The following ARSG variants were observed in gnomAD, a reference collection of about 807,000 sequenced individuals.
ARSG encodes the protein arylsulfatase G.
Under a neutral mutation model 50.5 loss-of-function variants are expected in ARSG, and 37 were observed. The observed-to-expected ratio is 0.73, with a 90% CI of 0.56 to 0.96. The LOEUF is 0.96. Among genes scored for constraint, ARSG ranks in the 50% least tolerant of loss-of-function variants. ARSG has a pLI of 0.00. For synonymous variants in ARSG, 225 were observed against 254.6 expected, an observed-to-expected ratio of 0.88 and a Z score of 1.11; for missense variants, 629 against 675.3, an observed-to-expected ratio of 0.93 and a Z score of 0.76.
intron 2 of ARSG, among the ~76,000 whole-genome samples, chr17:68,326,816 C>T (rs143636173): frequency 1.1e-4 from 16 of 152,258 alleles, no homozygotes; most frequent in African/African-American, 3.9e-4. Flanking sequence ...TGTGTCACAC[C>T]TGGAAACTAA....
downstream of ARSG, chr17:68,421,914 C>T (rs1344207031): frequency 6.6e-7 from 1 of 1,520,248 alleles, no homozygotes; most frequent in Admixed American, 1.7e-5. Context: ...GCAGAGTGAG[C>T]AGGGAGAGGC....
upstream of ARSG, among the ~76,000 whole-genome samples, chr17:68,290,810 G>A (rs1463566941): frequency 3.3e-5 from 5 of 152,232 alleles, no homozygotes; most frequent in East Asian, 7.7e-4. Flanking sequence ...AAGGCCAGGC[G>A]TGCCTTTAGG....
chr17:68,350,511 C>T (rs903873244), intron 4 of ARSG, among the ~76,000 whole-genome samples: 7 of 151,908 alleles, frequency 4.6e-5, no homozygotes, highest in Non-Finnish European at 1.0e-4. Flanking sequence ...CTGGGCCGGG[C>T]GCGGTGGCTC....
At chr17:68,328,095 G>A (rs554860485) in intron 2 of ARSG, among the ~76,000 whole-genome samples, 44 of 152,190 alleles carry the variant, frequency 2.9e-4, no homozygotes, top group Non-Finnish European at 4.4e-4. Flanking sequence ...TGTGACATAC[G>A]TGTGGCAGTG....
chr17:68,360,144 C>T (rs754771478), intron 6 of ARSG, among the ~76,000 whole-genome samples: 3 of 152,206 alleles, frequency 2.0e-5, no homozygotes, highest in Non-Finnish European at 4.4e-5. Context: ...GGCAAATCAA[C>T]CGACAGCCTC....
At chr17:68,328,828 T>C (rs1344303204) in intron 2 of ARSG, among the ~76,000 whole-genome samples, 2 of 152,104 alleles carry the variant, frequency 1.3e-5, no homozygotes, top group African/African-American at 4.8e-5. Flanking sequence ...ATGCAGGCTA[T>C]GGCTTTCCCA....
At chr17:68,346,625 T>C (rs2146299591) in intron 3 of ARSG, 1 of 852,886 alleles carries the variant, frequency 1.2e-6, no homozygotes, top group East Asian at 6.5e-5. Context: ...AGTTTCCTCA[T>C]TTGCTGCCCC....
chr17:68,296,380 C>T (rs1555758201), intron 1 of ARSG, among the ~76,000 whole-genome samples: 2 of 152,200 alleles, frequency 1.3e-5, no homozygotes, highest in South Asian at 2.1e-4. Context: ...TAAACAGGTA[C>T]CTCCTGTCCT....
Position 68,271,477 on chromosome 17 carries a change from T to C in ARSG, c.-552+12051T>C. ...GTCTATTGAGGTTCGTGTTTTCTCATTTTCAAGCATATACTGCGCTTCTTT... is the reference window on the plus strand; with the variant it reads ...GTCTATTGAGGTTCGTGTTTTCTCACTTTCAAGCATATACTGCGCTTCTTT... On this transcript the variant is annotated intron_variant, in intron 1 of 11. Transcript: ENST00000448504. This position sits in a 1 kb window ranked among gnomAD's most constrained non-coding sequence, Gnocchi z 5.3. 6.2e-7 allele frequency: 1 copy of C among 1,614,168 alleles called. No individual in the cohort carries two copies. The highest frequency in any genetic ancestry group is 8.5e-7 in the Non-Finnish European group (1 of 1,180,024).
At chr17:68,438,428 G>C in the ARSG span, among the ~76,000 whole-genome samples, 1 of 152,222 alleles carries the variant, frequency 6.6e-6, no homozygotes, top group Non-Finnish European at 1.5e-5. Flanking sequence ...TTGTGAAACT[G>C]GGGAGGGAAG....
chr17:68,413,839 G>C (rs1254005949), intron 11 of ARSG: 1 of 153,050 alleles, frequency 6.5e-6, no homozygotes, highest in Non-Finnish European at 1.5e-5. Context: ...TAAGCCTGTC[G>C]GAAAAGCGCA....
At chr17:68,426,254 G>GGGGCCCCCC, downstream of ARSG, 1 of 816,914 alleles carries the variant, frequency 1.2e-6, no homozygotes, top group Non-Finnish European at 1.9e-6. Flanking sequence ...GGGAGCGGGG[G>GGGGCCCCCC]CTCAAATAAA....
intron 11 of ARSG, among the ~76,000 whole-genome samples, chr17:68,408,432 T>C (rs1299174590): frequency 6.6e-6 from 1 of 151,976 alleles, no homozygotes; most frequent in Non-Finnish European, 1.5e-5. Flanking sequence ...ATTTCATCCA[T>C]GTCCCTACAA....
At chr17:68,432,506 T>G in the ARSG span, among the ~76,000 whole-genome samples, 2 of 152,196 alleles carry the variant, frequency 1.3e-5, no homozygotes, top group South Asian at 2.1e-4. Context: ...CCCAGCACTT[T>G]GGGAGGTTGA....
downstream of ARSG, chr17:68,426,238 C>CGGGGGGGGGG: frequency 8.1e-6 from 5 of 615,194 alleles, 1 homozygote; most frequent in East Asian, 5.2e-5. Context: ...CATGACCTGG[C>CGGGGGGGGGG]GGGTGGGGAG....
the ARSG span, among the ~76,000 whole-genome samples, chr17:68,436,225 C>G: frequency 6.6e-6 from 1 of 152,254 alleles, no homozygotes; most frequent in South Asian, 2.1e-4. Context: ...ACAGCAAGCC[C>G]GAGGGGAAAT....
chr17:68,333,418 A>G (rs2077868030), intron 2 of ARSG, among the ~76,000 whole-genome samples: 1 of 152,144 alleles, frequency 6.6e-6, no homozygotes, highest in Non-Finnish European at 1.5e-5. Flanking sequence ...ACCTGAGGTC[A>G]GGAGTTCGAG....
chr17:68,418,671 T>C lies in ARSG; in HGVS notation c.1304-1518T>C, dbSNP rs375220608. 5.3e-5 allele frequency among the ~76,000 whole-genome samples: 8 copies of C among 152,284 alleles called. No individual in the cohort carries two copies. In the East Asian group the frequency reaches 1.5e-3, roughly 29 times the overall value. On this transcript the variant is annotated intron_variant, in intron 11 of 11. Coordinates refer to ENST00000621439, the MANE Select transcript of ARSG (RefSeq NM_001267727.2). ...CATGTTGGCATCTGCCCTCATCATA[T>C]AGTAAAGGATGTGATAAGAAGTCGT...
At chr17:68,301,474 G>C (rs1555761875) in intron 1 of ARSG, among the ~76,000 whole-genome samples, 2 of 152,218 alleles carry the variant, frequency 1.3e-5, no homozygotes, top group Non-Finnish European at 2.9e-5. Context: ...TACCCGAGCA[G>C]AAGGGCCACC....
Sources: allele counts gnomAD v4.1 joint callset (sites outside exome capture counted in the v4.1 genomes callset), GRCh38; gene constraint gnomAD v4.1.1; non-coding constraint Gnocchi (gnomAD v3.1); transcripts MANE v1.5; gene names NCBI Gene and HGNC (gene_info 2026-07-23, HGNC 2026-07-21).